MLKL: variants seen among roughly 807,000 people sequenced by gnomAD.
The protein encoded by MLKL is mixed lineage kinase domain like pseudokinase.
A neutral mutation model predicts 56.5 loss-of-function variants in MLKL; 55 were observed. The ratio of observed to expected loss-of-function variants is 0.97; its 90% confidence interval spans 0.78 to 1.22. The LOEUF (loss-of-function observed/expected upper bound fraction) is 1.22. Among genes scored for constraint, MLKL ranks in the 50% most tolerant of loss-of-function variants. The probability of loss-of-function intolerance (pLI) is 0.00; values close to 1 mark genes in which losing one functional copy is unlikely to be tolerated. For missense variants in MLKL, 694 were observed against 573.9 expected, an observed-to-expected ratio of 1.21 and a Z score of -2.14; for synonymous variants, 251 against 208.3, an observed-to-expected ratio of 1.20 and a Z score of -1.76.
At chr16:74,686,542 C>G (rs894598097) in intron 4 of MLKL, among the ~76,000 whole-genome samples, 1 of 152,230 alleles carries the variant, frequency 6.6e-6, no homozygotes, top group Non-Finnish European at 1.5e-5. Flanking sequence ...GAGATCACAC[C>G]ATTGCACTCC....
rs1378625794 is a variant in MLKL at position 74,682,776 on chromosome 16, A to C, written c.831T>G (p.Pro277=). The stretch of plus-strand genomic sequence containing the variant: ...AGTACTCCATGACAATGGAGAATTG[A>C]GGCGGAGTCACTGGTGGAAAGGAGC... The part of the protein sequence containing the change: ...GICIDETVTP[P]QFSIVMEYCE... The change falls in exon 6 of 11, where the codon CCT becomes CCG. Residue 277 remains proline, a synonymous_variant. Coordinates refer to ENST00000308807, the MANE Select transcript of MLKL (RefSeq NM_152649.4). 2 of 1,613,918 alleles carry C rather than the reference A, an allele frequency of 1.2e-6. No homozygotes were observed. The highest frequency in any genetic ancestry group is 2.2e-5 in the South Asian group (2 of 91,076).
intron 4 of MLKL, among the ~76,000 whole-genome samples, chr16:74,685,961 TC>T (rs1960301431): frequency 2.0e-5 from 3 of 150,524 alleles, no homozygotes; most frequent in Non-Finnish European, 4.4e-5. Flanking sequence ...GTGGTGTGTG[TC>T]TTTTTTTTTT....
chr16:74,673,157 C>T (rs368760255), intron 10 of MLKL, among the ~76,000 whole-genome samples: 9 of 152,282 alleles, frequency 5.9e-5, no homozygotes, highest in South Asian at 4.1e-4. Context: ...TGTAAGCAGA[C>T]AGAACATCCT....
intron 9 of MLKL, 68 bp from the exon 10 acceptor site, chr16:74,675,168 G>C: frequency 6.3e-7 from 1 of 1,591,248 alleles, no homozygotes; most frequent in South Asian, 1.1e-5. Context: ...GGATGCTGAT[G>C]GCTGGCATCA....
chr16:74,698,929 A>G (rs9938096), intron 1 of MLKL, among the ~76,000 whole-genome samples: 16,780 of 152,094 alleles, frequency 0.11, 1,364 homozygotes, highest in African/African-American at 0.23. Context: ...CCCGGCCAAC[A>G]TGGTGAAACC....
rs550451656 is a variant in MLKL at position 74,697,490 on chromosome 16, T to C, written c.-2-1731A>G. 8.5e-5 allele frequency among the ~76,000 whole-genome samples: 13 copies of C among 152,318 alleles called. No homozygotes were observed. The South Asian group carries it at 2.7e-3, about 32-fold the overall frequency. On this transcript the variant is annotated intron_variant, in intron 1 of 10. Transcript: ENST00000308807. ...ACACTAGATCTCTCAATTCACCTAC[T>C]ACATCCTAAGTGCTTTGGAACCCCC... is the stretch of plus-strand genomic sequence containing the variant.
At chr16:74,674,845 C>T (rs1018825653) in intron 10 of MLKL, 115 bp downstream of exon 10, 23 of 1,298,800 alleles carry the variant, frequency 1.8e-5, no homozygotes, top group African/African-American at 1.3e-4. Context: ...AAATGTTCCC[C>T]GGATAAAACC....
At chr16:74,692,737 A>G (rs149713681) in intron 2 of MLKL, among the ~76,000 whole-genome samples, 1 of 152,400 alleles carries the variant, frequency 6.6e-6, no homozygotes, top group Non-Finnish European at 1.5e-5. Context: ...GCGTCAACGC[A>G]GAAGTGCTAT....
chr16:74,691,127 C>T, intron 4 of MLKL, 150 bp downstream of exon 4: 1 of 595,294 alleles, frequency 1.7e-6, no homozygotes, highest in South Asian at 2.9e-5. Context: ...GTATTTAAGT[C>T]AAGACTCTGC....
At position 74,689,458 on chromosome 16, in the gene MLKL, G is replaced by A. The variant is rs138983535; in HGVS notation, c.722+1819C>T. On this transcript the variant is annotated intron_variant, in intron 4 of 10. Transcript: ENST00000308807. Reference sequence around the variant, plus strand: ...CCATTAAATTGTACATTTTAAATAGGTAAATCTTACGGTATGTAAAATATA... The same window carrying A: ...CCATTAAATTGTACATTTTAAATAGATAAATCTTACGGTATGTAAAATATA... Among the ~76,000 whole-genome samples the A allele has an allele frequency of 2.9e-3, 440 of 152,164 alleles. 1 individual carries two copies. The highest frequency in any genetic ancestry group is 9.8e-3 in the African/African-American group (408 of 41,508).
At chr16:74,676,578 G>T (rs1055592808) in intron 7 of MLKL, 15 of 573,390 alleles carry the variant, frequency 2.6e-5, no homozygotes, top group Non-Finnish European at 3.3e-5. Context: ...GTGGAATAGC[G>T]CATCTTATAG....
At position 74,685,530 on chromosome 16, in the gene MLKL, G is replaced by T; in HGVS notation, c.776C>A (p.Ser259Tyr). Residue 259 changes from serine to tyrosine, a missense_variant, in exon 5 of 11, where the codon TCT (serine) becomes TAT (tyrosine). Transcript: ENST00000308807. Reference sequence around the variant, plus strand: ...CCCAAATATACGCAGGATGTTGGGAGATTCGAATTTCTTCATGGTTTTGAT... The same window carrying T: ...CCCAAATATACGCAGGATGTTGGGATATTCGAATTTCTTCATGGTTTTGAT... ...KEIKTMKKFESPNILRIFGIC... is the reference protein window; with the variant it reads ...KEIKTMKKFEYPNILRIFGIC... The T allele has an allele frequency of 1.2e-6, 2 of 1,614,110 alleles. No homozygotes were observed. The highest frequency in any genetic ancestry group is 8.5e-7 in the Non-Finnish European group (1 of 1,179,976).
chr16:74,681,120 G>A (rs1959939335), intron 6 of MLKL, among the ~76,000 whole-genome samples: 2 of 152,150 alleles, frequency 1.3e-5, no homozygotes, highest in Non-Finnish European at 1.5e-5. Context: ...CGCCTCCTGG[G>A]TTCAAGTGAT....
Position 74,688,121 on chromosome 16 carries a change from G to T in MLKL, c.723-2538C>A, listed in dbSNP as rs866068379. On this transcript the variant is annotated intron_variant, in intron 4 of 10. Transcript: ENST00000308807. Reference sequence around the variant, plus strand: ...TTACAGTCGTGAGCCACTGCGCCCAGCCAACGCCCGGCTAATTTTTGTATT... The same window carrying T: ...TTACAGTCGTGAGCCACTGCGCCCATCCAACGCCCGGCTAATTTTTGTATT... 5.9e-5 allele frequency among the ~76,000 whole-genome samples: 9 copies of T among 152,156 alleles called. No homozygotes were observed. In the South Asian group the frequency reaches 1.9e-3, roughly 32 times the overall value.
chr16:74,694,884 G>C (rs1404083910), intron 2 of MLKL, among the ~76,000 whole-genome samples: 1 of 152,036 alleles, frequency 6.6e-6, no homozygotes, highest in Non-Finnish European at 1.5e-5. Context: ...TTGTTTGTTT[G>C]TTTTCTGAGG....
intron 4 of MLKL, among the ~76,000 whole-genome samples, chr16:74,688,058 T>TCA (rs1960443735): frequency 6.6e-6 from 1 of 152,172 alleles, no homozygotes; most frequent in Non-Finnish European, 1.5e-5. Flanking sequence ...TCTCCTGACC[T>TCA]GGTGATCTGC....
At chr16:74,685,757 T>A (rs1466096049) in intron 4 of MLKL, among the ~76,000 whole-genome samples, 174 bp from the exon 5 acceptor site, 1 of 152,200 alleles carries the variant, frequency 6.6e-6, no homozygotes, top group Non-Finnish European at 1.5e-5. Context: ...CTCAGGTGCC[T>A]GTGGCAGCAC....
At chr16:74,686,251 C>T (rs1017634300) in intron 4 of MLKL, among the ~76,000 whole-genome samples, 11 of 152,008 alleles carry the variant, frequency 7.2e-5, no homozygotes, top group Non-Finnish European at 1.3e-4. Flanking sequence ...TGTGAGTCAC[C>T]GTGCCCAGCC....
At chr16:74,687,631 TG>T (rs1960411475) in intron 4 of MLKL, among the ~76,000 whole-genome samples, 1 of 151,980 alleles carries the variant, frequency 6.6e-6, no homozygotes, top group African/African-American at 2.4e-5. Flanking sequence ...GGAATAGAAT[TG>T]GGGGTCCGGA....
Sources: gnomAD v4.1 joint callset for allele counts (sites outside exome capture counted in the v4.1 genomes callset) on GRCh38, gnomAD v4.1.1 for gene constraint, MANE v1.5 for transcripts, NCBI Gene and HGNC (gene_info 2026-07-23, HGNC 2026-07-21) for gene names.